The following MVP variants were observed in gnomAD, a reference collection of about 807,000 sequenced individuals.
MVP encodes lung resistance-related protein.
MVP carries 62 observed loss-of-function variants against 83.5 expected under a neutral mutation model. That is an observed-to-expected ratio of 0.74 (90% CI 0.61 to 0.92). The LOEUF (loss-of-function observed/expected upper bound fraction) is 0.92. Among genes scored for constraint, MVP ranks in the 40% least tolerant of loss-of-function variants. The pLI is 0.00. For synonymous variants in MVP, 505 were observed against 504.1 expected (o/e 1.00, Z -0.02); for missense variants, 1,000 against 1,203.4 (o/e 0.83, Z 2.50).
Position 29,837,597 on chromosome 16 carries a change from T to C in MVP, c.909+639T>C, listed in dbSNP as rs538706933. On this transcript the variant is annotated intron_variant, in intron 7 of 14. Coordinates refer to ENST00000357402, the MANE Select transcript of MVP (RefSeq NM_005115.5). Reference sequence around the variant, plus strand: ...GGGGAAACCCTGTCTCTACTAAAAATACAAAAATTAGCCAGGTGTGGTGGC... The same window carrying C: ...GGGGAAACCCTGTCTCTACTAAAAACACAAAAATTAGCCAGGTGTGGTGGC... Among the ~76,000 whole-genome samples, 5 of 152,114 alleles carry C rather than the reference T, an allele frequency of 3.3e-5. No homozygotes were observed. The South Asian group carries it at 8.3e-4, about 25-fold the overall frequency.
chr16:29,831,809 C>T (rs1176847087), intron 3 of MVP: 4 of 438,734 alleles, frequency 9.1e-6, no homozygotes, highest in Non-Finnish European at 1.8e-5. Flanking sequence ...CATCACAGGC[C>T]TGAACCTACA....
rs550497082 is a variant in MVP at position 29,833,450 on chromosome 16, C to T, written c.322-283C>T. On this transcript the variant is annotated intron_variant, in intron 3 of 14. Transcript: ENST00000357402. Reference sequence around the variant, plus strand: ...TAGCTGGGACTACAGGTGTGCGCCGCCACCATGCCTGGCTACACTTTTTTT... The same window carrying T: ...TAGCTGGGACTACAGGTGTGCGCCGTCACCATGCCTGGCTACACTTTTTTT... 4.3e-4 allele frequency: 144 copies of T among 331,252 alleles called. 2 individuals are homozygous for T. The highest frequency in any genetic ancestry group is 3.7e-3 in the South Asian group (134 of 35,858). 20.5% of individuals were successfully genotyped at this position (331,252 alleles called of 1,614,324 possible).
chr16:29,835,916 TAAAA>T (rs1259378585), intron 6 of MVP, 118 bp downstream of exon 6: 1 of 831,916 alleles, frequency 1.2e-6, no homozygotes, highest in Non-Finnish European at 2.0e-6. Flanking sequence ...TAGGGTCACT[TAAAA>T]AAATTCAGAG....
Position 29,840,177 on chromosome 16 carries a change from G to T in MVP, c.910-1G>T. ...ACCCTAACCTCACGTCTCCCCACTA[G>T]GGAGAGAAGTCTTTTTTCCTCCAGC... On this transcript the variant is annotated splice_acceptor_variant, in intron 7 of 14. Transcript: ENST00000357402. LOFTEE classifies it high-confidence loss of function. 1 of 1,606,152 alleles carries T rather than the reference G, an allele frequency of 6.2e-7. No homozygotes were observed. The highest frequency in any genetic ancestry group is 8.5e-7 in the Non-Finnish European group (1 of 1,175,484).
In MVP at chr16:29,830,974, G is replaced by C. The variant is rs1019047943; in HGVS notation, c.222G>C (p.Leu74=). 5 of 1,613,946 alleles carry C rather than the reference G, an allele frequency of 3.1e-6. No individual in the cohort carries two copies. The highest frequency in any genetic ancestry group is 3.4e-6 in the Non-Finnish European group (4 of 1,180,014). Residue 74 remains leucine, a synonymous_variant, in exon 3 of 15, where the codon CTG becomes CTC. Coordinates refer to ENST00000357402, the MANE Select transcript of MVP (RefSeq NM_005115.5). ...CTCGGGATGCCCAGGGCTTGGTGCT[G>C]TTTGATGTCACAGGGCAAGTTCGGC... is the stretch of plus-strand genomic sequence containing the variant. The part of the protein sequence containing the change: ...PVSRDAQGLV[L]FDVTGQVRLR...
chr16:29,835,501 A>C (rs1010249349), intron 5 of MVP: 1 of 340,380 alleles, frequency 2.9e-6, no homozygotes, highest in Non-Finnish European at 5.4e-6. Flanking sequence ...AAAAAAAAAA[A>C]AAAACTTTTA....
In MVP at chr16:29,846,145, G is replaced by T. The variant is rs1310703488; in HGVS notation, c.2139-13G>T. On this transcript the variant is annotated splice_polypyrimidine_tract_variant and intron_variant, in intron 12 of 14. Coordinates refer to ENST00000357402, the MANE Select transcript of MVP (RefSeq NM_005115.5). The stretch of plus-strand genomic sequence containing the variant: ...TGTCTCCCGGGTCTTACCTGACTCT[G>T]CCTTCTCCCCAGCATGGCCGTGGAG... The T allele has an allele frequency of 1.2e-6, 2 of 1,607,522 alleles. No individual in the cohort carries two copies. Among genetic ancestry groups the T allele is most frequent in the African/African-American group, 2.7e-5 (2 of 74,844 alleles).
chr16:29,830,583 C>T lies in MVP; in HGVS notation c.34C>T (p.Pro12Ser). 6.2e-7 allele frequency: 1 copy of T among 1,614,068 alleles called. No individual in the cohort carries two copies. Among genetic ancestry groups the T allele is most frequent in the South Asian group, 1.1e-5 (1 of 91,084 alleles). Residue 12 changes from proline (P) to serine (S), a missense_variant, in exon 2 of 15, where the codon CCA (proline) becomes TCA (serine). Physicochemically the swap from Pro to Ser is moderately conservative, Grantham distance 74. Transcript: ENST00000357402. Reference sequence around the variant, plus strand: ...TGAAGAGTTCATCATCCGCATCCCCCCATACCACTATATCCATGTGCTGGA... The same window carrying T: ...TGAAGAGTTCATCATCCGCATCCCCTCATACCACTATATCCATGTGCTGGA... ...ATEEFIIRIP[P>S]YHYIHVLDQN...
chr16:29,841,806 G>C lies in MVP; in HGVS notation c.1402G>C (p.Val468Leu), dbSNP rs753256203. The change falls in exon 9 of 15, where the codon GTG (valine) becomes CTG (leucine). Residue 468 changes from valine (V) to leucine (L), a missense_variant. Physicochemically the swap from Val to Leu is conservative, Grantham distance 32 (BLOSUM62 1). Transcript: ENST00000357402. The surrounding 1 kb of genome is among the most constrained non-coding windows in gnomAD (Gnocchi z 4.7). ...VSYRVPHNAA[V>L]QVYDYREKRA... ...CTACCGCGTGCCCCACAACGCTGCG[G>C]TGCAGGTGTACGACTACCGAGAGAA... The C allele has an allele frequency of 6.2e-7, 1 of 1,612,328 alleles. No individual in the cohort carries two copies. Among genetic ancestry groups the C allele is most frequent in the East Asian group, 2.2e-5 (1 of 44,890 alleles).
intron 3 of MVP, chr16:29,831,899 C>T (rs1460952098): frequency 2.9e-6 from 1 of 344,318 alleles, no homozygotes; most frequent in East Asian, 7.8e-5. Flanking sequence ...ACCTGTTCTT[C>T]CACCTTTACC....
At chr16:29,831,533 G>A in intron 3 of MVP, 2 of 449,716 alleles carry the variant, frequency 4.4e-6, no homozygotes, top group Non-Finnish European at 9.0e-6. Context: ...CACCAAGGGT[G>A]GAATTGACTC....
At position 29,833,939 on chromosome 16, in the gene MVP, GT is replaced by G; in HGVS notation, c.451del (p.Tyr151ThrfsTer41). ...DEWLFEGPGT[Y>X]IPRKEVEVVE... Reference sequence around the variant, plus strand: ...ACCATCACCTTCCCTCCCCAGGCACGTACATCCCCCGGAAGGAAGTGGAGGT... The same window carrying G: ...ACCATCACCTTCCCTCCCCAGGCACGACATCCCCCGGAAGGAAGTGGAGGT... On this transcript the variant is annotated frameshift_variant, in exon 5 of 15. Coordinates refer to ENST00000357402, the MANE Select transcript of MVP (RefSeq NM_005115.5). LOFTEE classifies it high-confidence loss of function. The G allele has an allele frequency of 6.2e-7, 1 of 1,614,038 alleles. No homozygotes were observed. The highest frequency in any genetic ancestry group is 8.5e-7 in the Non-Finnish European group (1 of 1,179,978).
chr16:29,846,109 G>A, intron 12 of MVP, 49 bp from the exon 13 acceptor site: 1 of 1,600,980 alleles, frequency 6.2e-7, no homozygotes, highest in East Asian at 2.2e-5. Flanking sequence ...AAGGCCGTGG[G>A]GGGACTGGGC....
intron 1 of MVP, among the ~76,000 whole-genome samples, chr16:29,822,190 G>T (rs1224789146): frequency 7.9e-5 from 12 of 151,556 alleles, no homozygotes; most frequent in Non-Finnish European, 1.8e-4. Context: ...TCCTGGGGTC[G>T]CTTCTGATCT....
At chr16:29,826,007 C>T (rs1418347671) in intron 1 of MVP, 2 of 152,278 alleles carry the variant, frequency 1.3e-5, no homozygotes, top group Non-Finnish European at 2.9e-5. Context: ...AGTAAAGCCC[C>T]TACTTGCTGT....
intron 6 of MVP, among the ~76,000 whole-genome samples, 178 bp from the exon 7 acceptor site, chr16:29,836,544 T>A (rs1290533869): frequency 2.0e-5 from 3 of 150,200 alleles, no homozygotes; most frequent in Non-Finnish European, 3.0e-5. Context: ...ACCTTTGCAC[T>A]CTAGCCTGGG....
chr16:29,845,909 C>T lies in MVP; in HGVS notation c.2068C>T (p.Arg690Trp), dbSNP rs769874399. ...LEQEARGRLERQKILDQSEAE... is the reference protein window; with the variant it reads ...LEQEARGRLEWQKILDQSEAE... ...GCAGGAAGCCCGCGGCCGGCTTGAG[C>T]GGCAGAAGATCCTGGACCAGTCAGA... is the stretch of plus-strand genomic sequence containing the variant. The change falls in exon 12 of 15, where the codon CGG becomes TGG. Residue 690 changes from arginine to tryptophan, a missense_variant. Coordinates refer to ENST00000357402, the MANE Select transcript of MVP (RefSeq NM_005115.5). The T allele has an allele frequency of 1.2e-6, 2 of 1,614,110 alleles. No individual in the cohort carries two copies. Among genetic ancestry groups the T allele is most frequent in the East Asian group, 2.2e-5 (1 of 44,888 alleles).
At chr16:29,837,720 C>T (rs1031205891) in intron 7 of MVP, among the ~76,000 whole-genome samples, 1 of 151,892 alleles carries the variant, frequency 6.6e-6, no homozygotes, top group Non-Finnish European at 1.5e-5. Flanking sequence ...TGCCACTGCA[C>T]TCTAGCCTGG....
chr16:29,835,340 A>C (rs1273271515), intron 5 of MVP: 1 of 165,054 alleles, frequency 6.1e-6, no homozygotes, highest in Non-Finnish European at 1.3e-5. Context: ...CAAAAAATAC[A>C]AATATTAGCC....
Sources: gnomAD v4.1 joint callset for allele counts (sites outside exome capture counted in the v4.1 genomes callset) on GRCh38, gnomAD v4.1.1 for gene constraint, Gnocchi (gnomAD v3.1) non-coding constraint, MANE v1.5 for transcripts, NCBI Gene and HGNC (gene_info 2026-07-23, HGNC 2026-07-21) for gene names.